The following ARL4C variants were observed in gnomAD, a reference collection of about 807,000 sequenced individuals.
The protein encoded by ARL4C is ADP-ribosylation factor-like protein 4C.
A neutral mutation model predicts 12.8 loss-of-function variants in ARL4C; 5 were observed. The ratio of observed to expected loss-of-function variants is 0.39; its 90% CI spans 0.20 to 0.82. The LOEUF (loss-of-function observed/expected upper bound fraction) is 0.82. Among genes scored for constraint, ARL4C ranks in the 40% least tolerant of loss-of-function variants. ARL4C has a pLI of 0.39. For synonymous variants in ARL4C, 119 were observed against 119.4 expected, an observed-to-expected ratio of 1.00 and a Z score of 0.02; for missense variants, 148 against 265.2, an observed-to-expected ratio of 0.56 and a Z score of 3.07.
In ARL4C at chr2:234,495,655, T is replaced by G; in HGVS notation, c.*151A>C. The G allele has an allele frequency of 1.0e-6, 1 of 980,346 alleles. No individual in the cohort carries two copies. Among genetic ancestry groups the G allele is most frequent in the Non-Finnish European group, 1.6e-6 (1 of 641,320 alleles). 60.7% of individuals were successfully genotyped at this position (980,346 alleles called of 1,614,324 possible). ...AAATCGCTTTTGTCTTTCCGACAAC[T>G]GAGCCTTCCACCTGGGGCTGGGAGG... is the stretch of plus-strand genomic sequence containing the variant. On this transcript the variant is annotated 3_prime_UTR_variant, in exon 2 of 2. Coordinates refer to ENST00000339728, the MANE Select transcript of ARL4C (RefSeq NM_001282431.2).
At position 234,496,080 on chromosome 2, in the gene ARL4C, G is replaced by C. The variant is rs1337828230; in HGVS notation, c.507C>G (p.Thr169=). The change falls in exon 1 of 2, where the codon ACC becomes ACG. Residue 169 remains threonine (T), a synonymous_variant. Coordinates refer to ENST00000339728, the MANE Select transcript of ARL4C (RefSeq NM_001282431.2). ...TCTCATAGAGCTTGTCCATGCCCTC[G>C]GTGAGGCCCTCGCCGATGATGGCGC... ...PACAIIGEGL[T]EGMDKLYEMI... 1.2e-5 allele frequency: 20 copies of C among 1,612,932 alleles called. No homozygotes were observed. Among genetic ancestry groups the C allele is most frequent in the Non-Finnish European group, 1.6e-5 (19 of 1,179,530 alleles).
At position 234,495,228 on chromosome 2, in the gene ARL4C, G is replaced by A. The variant is rs754584531; in HGVS notation, c.*578C>T. On this transcript the variant is annotated 3_prime_UTR_variant, in exon 2 of 2. Coordinates refer to ENST00000339728, the MANE Select transcript of ARL4C (RefSeq NM_001282431.2). ...ACAGGGTCCAAACCATCTGGAAGATGTCTGATTCCAGGCTGAAAAGCAGTT... is the reference window on the plus strand; with the variant it reads ...ACAGGGTCCAAACCATCTGGAAGATATCTGATTCCAGGCTGAAAAGCAGTT... 6.4e-6 allele frequency: 1 copy of A among 156,554 alleles called. No individual in the cohort carries two copies. The highest frequency in any genetic ancestry group is 1.4e-5 in the Non-Finnish European group (1 of 70,678). 9.7% of individuals were successfully genotyped at this position (156,554 alleles called of 1,614,324 possible).
In ARL4C at chr2:234,497,061, C is replaced by G. The variant is rs1023983655; in HGVS notation, c.-475G>C. On this transcript the variant is annotated 5_prime_UTR_variant, in exon 1 of 2. Coordinates refer to ENST00000339728, the MANE Select transcript of ARL4C (RefSeq NM_001282431.2). The stretch of plus-strand genomic sequence containing the variant: ...CTCGGCAGCCTCACAGTCCCCGCGC[C>G]GCCGCAGCAGCCGCCAGCCTGCAGC... The G allele has an allele frequency of 9.2e-6, 1 of 108,354 alleles. No homozygotes were observed. Among genetic ancestry groups the G allele is most frequent in the Non-Finnish European group, 1.9e-5 (1 of 51,308 alleles). The allele number at this position is 108,354 out of a possible 1,614,324, so 6.7% of individuals were successfully genotyped here.
In ARL4C at chr2:234,495,185, A is replaced by G. The variant is rs1281157645; in HGVS notation, c.*621T>C. 6.7e-6 allele frequency: 1 copy of G among 149,996 alleles called. No individual in the cohort carries two copies. Among genetic ancestry groups the G allele is most frequent in the East Asian group, 2.0e-4 (1 of 5,106 alleles). The allele number at this position is 149,996 out of a possible 1,614,324, so 9.3% of individuals were successfully genotyped here. A position where few individuals can be genotyped will look rare whatever the true frequency, so the allele number is the denominator to read the frequency against. On this transcript the variant is annotated 3_prime_UTR_variant, in exon 2 of 2. Coordinates refer to ENST00000339728, the MANE Select transcript of ARL4C (RefSeq NM_001282431.2). ...TTATTTTTATTGGTCTCTTTGTGTG[A>G]TAATGACCTACACATGGACAGGGTC...
In ARL4C at chr2:234,495,672, G is replaced by T; in HGVS notation, c.*134C>A. 3 of 1,134,728 alleles carry T rather than the reference G, an allele frequency of 2.6e-6. No individual in the cohort carries two copies. The highest frequency in any genetic ancestry group is 3.9e-6 in the Non-Finnish European group (3 of 767,708). The allele number at this position is 1,134,728 out of a possible 1,614,324, so 70.3% of individuals were successfully genotyped here. The stretch of plus-strand genomic sequence containing the variant: ...CCGACAACTGAGCCTTCCACCTGGG[G>T]CTGGGAGGGCGGACAGCAGGACCGG... On this transcript the variant is annotated 3_prime_UTR_variant, in exon 2 of 2. Transcript: ENST00000339728.
rs1023257035 is a variant in ARL4C, at chr2:234,495,659, C to A, written c.*147G>T. 1 of 1,010,440 alleles carries A rather than the reference C, an allele frequency of 9.9e-7. No homozygotes were observed. Among genetic ancestry groups the A allele is most frequent in the Non-Finnish European group, 1.5e-6 (1 of 665,332 alleles). 62.6% of individuals were successfully genotyped at this position (1,010,440 alleles called of 1,614,324 possible). On this transcript the variant is annotated 3_prime_UTR_variant, in exon 2 of 2. Coordinates refer to ENST00000339728, the MANE Select transcript of ARL4C (RefSeq NM_001282431.2). Reference sequence around the variant, plus strand: ...CGCTTTTGTCTTTCCGACAACTGAGCCTTCCACCTGGGGCTGGGAGGGCGG... The same window carrying A: ...CGCTTTTGTCTTTCCGACAACTGAGACTTCCACCTGGGGCTGGGAGGGCGG...
rs1182408461 is a variant in ARL4C at position 234,495,093 on chromosome 2, C to T, written c.*713G>A. 1 of 153,224 alleles carries T rather than the reference C, an allele frequency of 6.5e-6. No individual in the cohort carries two copies. Among genetic ancestry groups the T allele is most frequent in the Admixed American group, 6.5e-5 (1 of 15,336 alleles). 9.5% of individuals were successfully genotyped at this position (153,224 alleles called of 1,614,324 possible). A position where few individuals can be genotyped will look rare whatever the true frequency, so the allele number is the denominator to read the frequency against. On this transcript the variant is annotated 3_prime_UTR_variant, in exon 2 of 2. Coordinates refer to ENST00000339728, the MANE Select transcript of ARL4C (RefSeq NM_001282431.2). ...TACCCTTTAAACACCTTTAACTATC[C>T]TGCAAACAGTAAATGCATCATTGGC...
rs556172694 is a variant in ARL4C at position 234,494,929 on chromosome 2, C to A, written c.*877G>T. On this transcript the variant is annotated 3_prime_UTR_variant, in exon 2 of 2. Transcript: ENST00000339728. ...CTGCAGCTGGTGTGCTCATCCAAAC[C>A]AATCAGTAGGCTAAGAGAATTTAAA... is the stretch of plus-strand genomic sequence containing the variant. 1.3e-5 allele frequency: 2 copies of A among 152,104 alleles called. No individual in the cohort carries two copies. Among genetic ancestry groups the A allele is most frequent in the African/African-American group, 4.8e-5 (2 of 41,348 alleles). The allele number at this position is 152,104 out of a possible 1,614,324, so 9.4% of individuals were successfully genotyped here. A position where few individuals can be genotyped will look rare whatever the true frequency, so the allele number is the denominator to read the frequency against.
chr2:234,495,742 T>C lies in ARL4C; in HGVS notation c.*64A>G. The C allele has an allele frequency of 6.3e-7, 1 of 1,592,628 alleles. No homozygotes were observed. Among genetic ancestry groups the C allele is most frequent in the Admixed American group, 1.7e-5 (1 of 60,026 alleles). ...GGCCCCCCGACCTGGTCAGTAGCTCTGGCGTTCAGACAAAAGGTCCCCTGA... is the reference window on the plus strand; with the variant it reads ...GGCCCCCCGACCTGGTCAGTAGCTCCGGCGTTCAGACAAAAGGTCCCCTGA... On this transcript the variant is annotated 3_prime_UTR_variant, in exon 2 of 2. Coordinates refer to ENST00000339728, the MANE Select transcript of ARL4C (RefSeq NM_001282431.2).
Position 234,495,728 on chromosome 2 carries a change from C to A in ARL4C, c.*78G>T, listed in dbSNP as rs1691772119. The A allele has an allele frequency of 1.3e-6, 2 of 1,583,004 alleles. No individual in the cohort carries two copies. The highest frequency in any genetic ancestry group is 1.7e-6 in the Non-Finnish European group (2 of 1,166,038). On this transcript the variant is annotated 3_prime_UTR_variant, in exon 2 of 2. Coordinates refer to ENST00000339728, the MANE Select transcript of ARL4C (RefSeq NM_001282431.2). Reference sequence around the variant, plus strand: ...CCACTCCCCACCGCGGCCCCCCGACCTGGTCAGTAGCTCTGGCGTTCAGAC... The same window carrying A: ...CCACTCCCCACCGCGGCCCCCCGACATGGTCAGTAGCTCTGGCGTTCAGAC...
chr2:234,493,866 G>C lies in ARL4C; in HGVS notation c.*1940C>G, dbSNP rs983129259. ...CGATATGTAAACTGAAATCTTGCAG[G>C]CTTTTCAACACTGCTTAGCTAGACT... On this transcript the variant is annotated 3_prime_UTR_variant, in exon 2 of 2. Transcript: ENST00000339728. The C allele has an allele frequency of 6.6e-6, 1 of 152,462 alleles. No individual in the cohort carries two copies. Among genetic ancestry groups the C allele is most frequent in the Non-Finnish European group, 1.5e-5 (1 of 68,022 alleles). The allele number at this position is 152,462 out of a possible 1,614,324, so 9.4% of individuals were successfully genotyped here.
Position 234,494,424 on chromosome 2 carries a change from A to C in ARL4C, c.*1382T>G, listed in dbSNP as rs149353063. 19 of 152,776 alleles carry C rather than the reference A, an allele frequency of 1.2e-4. No homozygotes were observed. Among genetic ancestry groups the C allele is most frequent in the African/African-American group, 4.3e-4 (18 of 41,576 alleles). The allele number at this position is 152,776 out of a possible 1,614,324, so 9.5% of individuals were successfully genotyped here. A position where few individuals can be genotyped will look rare whatever the true frequency, so the allele number is the denominator to read the frequency against. On this transcript the variant is annotated 3_prime_UTR_variant, in exon 2 of 2. Transcript: ENST00000339728. ...ACTGTGAAGTGCCTGAGTACCAGTG[A>C]CCATGACGTCACACTTTCTTTTATC...
At chr2:234,495,960 T>C (rs1691776472) in intron 1 of ARL4C, 52 bp downstream of exon 1, 11 of 1,610,600 alleles carry the variant, frequency 6.8e-6, no homozygotes, top group African/African-American at 2.7e-5. Flanking sequence ...ATCCATCCAT[T>C]CATTCTTTCT....
chr2:234,495,671 G>C lies in ARL4C; in HGVS notation c.*135C>G, dbSNP rs1383646118. ...TCCGACAACTGAGCCTTCCACCTGG[G>C]GCTGGGAGGGCGGACAGCAGGACCG... On this transcript the variant is annotated 3_prime_UTR_variant, in exon 2 of 2. Coordinates refer to ENST00000339728, the MANE Select transcript of ARL4C (RefSeq NM_001282431.2). 1.8e-6 allele frequency: 2 copies of C among 1,124,634 alleles called. No individual in the cohort carries two copies. Among genetic ancestry groups the C allele is most frequent in the Non-Finnish European group, 2.6e-6 (2 of 758,826 alleles). 69.7% of individuals were successfully genotyped at this position (1,124,634 alleles called of 1,614,324 possible). A position where few individuals can be genotyped will look rare whatever the true frequency, so the allele number is the denominator to read the frequency against.
In ARL4C at chr2:234,496,869, G is replaced by A. The variant is rs1032615323; in HGVS notation, c.-283C>T. ...ATGTTCGGCGCCCTCCCCAGGCCTGGGCTCGCTCTGTGGTTTCCTCGGGCC... is the reference window on the plus strand; with the variant it reads ...ATGTTCGGCGCCCTCCCCAGGCCTGAGCTCGCTCTGTGGTTTCCTCGGGCC... On this transcript the variant is annotated 5_prime_UTR_variant, in exon 1 of 2. Coordinates refer to ENST00000339728, the MANE Select transcript of ARL4C (RefSeq NM_001282431.2). 6.7e-6 allele frequency: 1 copy of A among 149,472 alleles called. No homozygotes were observed. The highest frequency in any genetic ancestry group is 2.4e-5 in the African/African-American group (1 of 41,202). 9.3% of individuals were successfully genotyped at this position (149,472 alleles called of 1,614,324 possible). A position where few individuals can be genotyped will look rare whatever the true frequency, so the allele number is the denominator to read the frequency against.
rs201426143 is a variant in ARL4C at position 234,496,013 on chromosome 2, G to T, written c.574C>A (p.Arg192=). Residue 192 remains arginine (R), a splice_region_variant and synonymous_variant, in exon 1 of 2, where the codon CGG becomes AGG. Transcript: ENST00000339728. The part of the protein sequence containing the change: ...RRKSLKQKKK[R]TGDLRSCEV ...CCCCGGTCGCTCCGGGCGCATTACCGCTTCTTCTTCTGCTTGAGGGACTTC... is the reference window on the plus strand; with the variant it reads ...CCCCGGTCGCTCCGGGCGCATTACCTCTTCTTCTTCTGCTTGAGGGACTTC... The T allele has an allele frequency of 1.2e-6, 2 of 1,605,310 alleles. No homozygotes were observed. The highest frequency in any genetic ancestry group is 1.7e-5 in the Admixed American group (1 of 59,486).
rs1023188133 is a variant in ARL4C, at chr2:234,493,482, G to A, written c.*2324C>T. On this transcript the variant is annotated 3_prime_UTR_variant, in exon 2 of 2. Coordinates refer to ENST00000339728, the MANE Select transcript of ARL4C (RefSeq NM_001282431.2). ...AATCAACTGAGACTCTTAACTAGTAGTTGATACACCACAGGGCTTTACTTT... is the reference window on the plus strand; with the variant it reads ...AATCAACTGAGACTCTTAACTAGTAATTGATACACCACAGGGCTTTACTTT... The A allele has an allele frequency of 6.6e-6, 1 of 152,480 alleles. No homozygotes were observed. Among genetic ancestry groups the A allele is most frequent in the Non-Finnish European group, 1.5e-5 (1 of 68,046 alleles). The allele number at this position is 152,480 out of a possible 1,614,324, so 9.4% of individuals were successfully genotyped here.
rs1279170946 is a variant in ARL4C, at chr2:234,495,536, G to T, written c.*270C>A. On this transcript the variant is annotated 3_prime_UTR_variant, in exon 2 of 2. Transcript: ENST00000339728. Reference sequence around the variant, plus strand: ...TGCCCCCCAAGGTGGGTACGCCCACGGTTCTGGGAAATGCATACCTCAGGT... The same window carrying T: ...TGCCCCCCAAGGTGGGTACGCCCACTGTTCTGGGAAATGCATACCTCAGGT... The T allele has an allele frequency of 3.4e-6, 2 of 589,634 alleles. No homozygotes were observed. Among genetic ancestry groups the T allele is most frequent in the African/African-American group, 1.9e-5 (1 of 53,640 alleles). The allele number at this position is 589,634 out of a possible 1,614,324, so 36.5% of individuals were successfully genotyped here. A position where few individuals can be genotyped will look rare whatever the true frequency, so the allele number is the denominator to read the frequency against.
At position 234,495,739 on chromosome 2, in the gene ARL4C, C is replaced by G; in HGVS notation, c.*67G>C. The G allele has an allele frequency of 1.3e-6, 2 of 1,591,984 alleles. No individual in the cohort carries two copies. Among genetic ancestry groups the G allele is most frequent in the South Asian group, 2.2e-5 (2 of 90,962 alleles). ...CGCGGCCCCCCGACCTGGTCAGTAG[C>G]TCTGGCGTTCAGACAAAAGGTCCCC... On this transcript the variant is annotated 3_prime_UTR_variant, in exon 2 of 2. Coordinates refer to ENST00000339728, the MANE Select transcript of ARL4C (RefSeq NM_001282431.2).
Sources: gnomAD v4.1 joint callset for allele counts on GRCh38, gnomAD v4.1.1 for gene constraint, MANE v1.5 for transcripts, NCBI Gene and HGNC (gene_info 2026-07-23, HGNC 2026-07-21) for gene names.